SLC7A7: variants seen among roughly 807,000 people sequenced by gnomAD.
SLC7A7 encodes the protein solute carrier family 7 member 7.
In SLC7A7, 39 loss-of-function variants were observed where a neutral mutation model predicts 47.9. That is an observed-to-expected ratio of 0.81 (90% CI 0.63 to 1.06). The LOEUF (loss-of-function observed/expected upper bound fraction) is 1.06. Among genes scored for constraint, SLC7A7 ranks in the 50% least tolerant of loss-of-function variants. The pLI, the probability that SLC7A7 is intolerant of heterozygous loss-of-function variation, is 0.00. For synonymous variants in SLC7A7, 234 were observed against 242.8 expected, an observed-to-expected ratio of 0.96 and a Z score of 0.34; for missense variants, 588 against 632.0, an observed-to-expected ratio of 0.93 and a Z score of 0.75.
At chr14:22,802,877 C>A (rs924723733) in intron 2 of SLC7A7, among the ~76,000 whole-genome samples, 1 of 152,086 alleles carries the variant, frequency 6.6e-6, no homozygotes, top group African/African-American at 2.4e-5. Flanking sequence ...CCCTCATATC[C>A]CACAATCCCC....
At chr14:22,774,639 T>A in intron 7 of SLC7A7, 136 bp from the exon 8 acceptor site, 1 of 1,126,750 alleles carries the variant, frequency 8.9e-7, no homozygotes, top group Non-Finnish European at 1.3e-6. Flanking sequence ...TTAATCCCTT[T>A]AACACCCTAG....
At chr14:22,782,177 A>G (rs8021277) in intron 2 of SLC7A7, among the ~76,000 whole-genome samples, 3,391 of 152,180 alleles carry the variant, frequency 0.022, 120 homozygotes, top group African/African-American at 0.074. Context: ...GTCTCGGCTC[A>G]TGGCAACATC....
chr14:22,791,217 CT>C (rs2038918796), intron 2 of SLC7A7, among the ~76,000 whole-genome samples: 1 of 152,094 alleles, frequency 6.6e-6, no homozygotes, highest in South Asian at 2.1e-4. Context: ...AATTTCCATT[CT>C]AAAGCCTTAT....
Position 22,813,334 on chromosome 14 carries a change from T to C in SLC7A7, c.65A>G (p.Asp22Gly), listed in dbSNP as rs1299350013. 1 of 1,614,062 alleles carries C rather than the reference T, an allele frequency of 6.2e-7. No homozygotes were observed. Among genetic ancestry groups the C allele is most frequent in the South Asian group, 1.1e-5 (1 of 91,082 alleles). ...QPEVETSPLGDGASPGPEQVK... is the reference protein window; with the variant it reads ...QPEVETSPLGGGASPGPEQVK... ...CTGCTCCGGCCCTGGGCTGGCCCCA[T>C]CACCCAAAGGGGAGGTTTCCACCTC... The change falls in exon 2 of 10, where the codon GAT (aspartate) becomes GGT (glycine). Residue 22 changes from aspartate to glycine, a missense_variant. Transcript: ENST00000674313.
At chr14:22,775,306 G>T in intron 7 of SLC7A7, 138 bp downstream of exon 7, 1 of 791,624 alleles carries the variant, frequency 1.3e-6, no homozygotes. Context: ...TGCCTTGCCC[G>T]TGGTGAACAT....
chr14:22,795,726 G>A (rs1235245411), intron 2 of SLC7A7, among the ~76,000 whole-genome samples: 1 of 151,766 alleles, frequency 6.6e-6, no homozygotes, highest in Non-Finnish European at 1.5e-5. Context: ...GCCCGCCTCG[G>A]CCTCCCAAAG....
chr14:22,796,292 A>C (rs1217901870), intron 2 of SLC7A7, among the ~76,000 whole-genome samples: 1 of 152,194 alleles, frequency 6.6e-6, no homozygotes, highest in Non-Finnish European at 1.5e-5. Flanking sequence ...ACACCTGGCC[A>C]AAGCTCTCAG....
At chr14:22,795,952 A>G (rs1273432971) in intron 2 of SLC7A7, among the ~76,000 whole-genome samples, 1 of 152,108 alleles carries the variant, frequency 6.6e-6, no homozygotes, top group East Asian at 1.9e-4. Flanking sequence ...TGAGCCCCCA[A>G]AGGGACTTGA....
At chr14:22,795,403 TTTCTTTCTTTC>T (rs1191458260) in intron 2 of SLC7A7, among the ~76,000 whole-genome samples, 19 of 3,286 alleles carry the variant, frequency 5.8e-3, no homozygotes, top group African/African-American at 0.011. Context: ...TCTTTCTTTC[TTTCTTTCTTTC>T]TTTCTTTCTT....
intron 2 of SLC7A7, among the ~76,000 whole-genome samples, chr14:22,798,100 A>T (rs1396259878): frequency 6.6e-6 from 1 of 152,168 alleles, no homozygotes; most frequent in African/African-American, 2.4e-5. Flanking sequence ...GTTTCAGACT[A>T]GCCTGGCCAA....
intron 2 of SLC7A7, among the ~76,000 whole-genome samples, chr14:22,808,544 C>T (rs890186872): frequency 3.3e-5 from 5 of 152,138 alleles, no homozygotes; most frequent in African/African-American, 1.2e-4. Context: ...CAATGGCTCA[C>T]GCCCGTAATC....
intron 2 of SLC7A7, among the ~76,000 whole-genome samples, chr14:22,781,541 C>T (rs763233675): frequency 3.9e-5 from 6 of 152,200 alleles, no homozygotes; most frequent in African/African-American, 9.7e-5. Context: ...AATGTACCCA[C>T]AGCTCCAGGC....
Position 22,792,951 on chromosome 14 carries a change from C to G in SLC7A7, c.500-12900G>C, listed in dbSNP as rs556922423. On this transcript the variant is annotated intron_variant, in intron 2 of 9. Transcript: ENST00000674313. ...TTTTTTTTAAAGACAGAGTCTCGCT[C>G]TGTCGCCCAGGCTGGAGTGCAGTGG... is the stretch of plus-strand genomic sequence containing the variant. Among the ~76,000 whole-genome samples the G allele has an allele frequency of 2.0e-5, 3 of 149,800 alleles. No individual in the cohort carries two copies. In the East Asian group the frequency reaches 6.0e-4, roughly 30 times the overall value.
chr14:22,787,842 G>A (rs545704358), intron 2 of SLC7A7, among the ~76,000 whole-genome samples: 34 of 152,112 alleles, frequency 2.2e-4, no homozygotes, highest in Admixed American at 1.9e-3. Flanking sequence ...GGGAGGCCGA[G>A]GCAGGCAGAT....
chr14:22,812,988 G>T lies in SLC7A7; in HGVS notation c.411C>A (p.Ile137=), dbSNP rs773860533. ...IEPTSQAIIA[I]TFANYMVQPL... is the part of the protein sequence containing the mutation. ...GCTGTACCATGTAGTTGGCAAAGGT[G>T]ATGGCAATGATGGCCTGGCTGGTGG... Residue 137 remains isoleucine, a synonymous_variant, in exon 2 of 10, where the codon ATC becomes ATA. Transcript: ENST00000674313. 4 of 1,614,036 alleles carry T rather than the reference G, an allele frequency of 2.5e-6. No homozygotes were observed. The highest frequency in any genetic ancestry group is 3.4e-6 in the Non-Finnish European group (4 of 1,180,022).
intron 2 of SLC7A7, among the ~76,000 whole-genome samples, chr14:22,809,332 C>T (rs2039263328): frequency 3.3e-5 from 5 of 151,154 alleles, no homozygotes; most frequent in Admixed American, 3.3e-4. Flanking sequence ...GCACCCACCA[C>T]CACACCCAGC....
intron 2 of SLC7A7, among the ~76,000 whole-genome samples, chr14:22,812,353 G>C (rs951107412): frequency 6.6e-6 from 1 of 151,922 alleles, no homozygotes; most frequent in African/African-American, 2.4e-5. Flanking sequence ...TTTTAGTAGA[G>C]ATGGGGTTTC....
intron 2 of SLC7A7, among the ~76,000 whole-genome samples, chr14:22,797,943 GA>G (rs1239102457): frequency 1.3e-5 from 2 of 152,118 alleles, no homozygotes; most frequent in Non-Finnish European, 2.9e-5. Context: ...AGAAAAAGAT[GA>G]AAATATGGTA....
chr14:22,814,948 C>A, intron 1 of SLC7A7: 1 of 198,058 alleles, frequency 5.0e-6, no homozygotes, highest in Non-Finnish European at 1.1e-5. Context: ...TATTCTAAGC[C>A]TCCTGCTATC....
Sources: gnomAD v4.1 joint callset for allele counts (sites outside exome capture counted in the v4.1 genomes callset) on GRCh38, gnomAD v4.1.1 for gene constraint, MANE v1.5 for transcripts, NCBI Gene and HGNC (gene_info 2026-07-23, HGNC 2026-07-21) for gene names.